Variants in STN1 observed in about 807,000 individuals in gnomAD.
The protein encoded by STN1 is STN1 subunit of CST complex, also known as CST complex subunit STN1.
A neutral mutation model predicts 45.5 loss-of-function variants in STN1; 29 were observed. The ratio of observed to expected loss-of-function variants is 0.64; its 90% CI spans 0.47 to 0.87. The LOEUF is 0.87. Ranked by LOEUF, STN1 falls within the 40% of genes least tolerant of loss-of-function variation. STN1 has a pLI of 0.00. For synonymous variants in STN1, 148 were observed against 159.0 expected (o/e 0.93, Z 0.52); for missense variants, 376 against 441.4 (o/e 0.85, Z 1.33).
rs1243743059 is a variant in STN1 at position 103,909,444 on chromosome 10, GTATATA to G, written c.229+1077_229+1082del. Among the ~76,000 whole-genome samples the G allele has an allele frequency of 5.4e-4, 27 of 49,920 alleles. 4 individuals are homozygous for G. The highest frequency in any genetic ancestry group is 2.0e-3 in the East Asian group (3 of 1,516). 32.7% of individuals were successfully genotyped at this position (49,920 alleles called of 152,430 possible). A position where few individuals can be genotyped will look rare whatever the true frequency, so the allele number is the denominator to read the frequency against. On this transcript the variant is annotated intron_variant, in intron 3 of 9. Transcript: ENST00000224950. Reference sequence around the variant, plus strand: ...TATATGTATATATATGTATATATATGTATATATGTATATATGTATATATATGTATAT... The same window carrying G: ...TATATGTATATATATGTATATATATGTGTATATATGTATATATATGTATAT...
chr10:103,881,905 C>G lies in STN1; in HGVS notation c.*779G>C, dbSNP rs150934150. Among the ~76,000 whole-genome samples the G allele has an allele frequency of 5.2e-4, 79 of 152,328 alleles. No individual in the cohort carries two copies. Among genetic ancestry groups the G allele is most frequent in the Admixed American group, 1.8e-3 (28 of 15,304 alleles). ...CACATCCTGCACACTCAGCGGCAAC[C>G]CTGAAAATAACATCTACCACCTGCC... On this transcript the variant is annotated 3_prime_UTR_variant, in exon 10 of 10. Transcript: ENST00000224950.
rs1378890150 is a variant in STN1, at chr10:103,898,996, T to G, written c.462A>C (p.Lys154Asn). Residue 154 changes from lysine to asparagine, a missense_variant, in exon 6 of 10, where the codon AAA becomes AAC. Transcript: ENST00000224950. ...GAATGTTCCACACTGGGTCGTCCAC[T>G]TTATCTAACAAGTGACCAGAAAAAA... is the stretch of plus-strand genomic sequence containing the variant. Reference protein sequence around the residue: ...EREIHATTYYKVDDPVWNIQI... With the variant: ...EREIHATTYYNVDDPVWNIQI... 2 of 1,613,956 alleles carry G rather than the reference T, an allele frequency of 1.2e-6. No individual in the cohort carries two copies. Among genetic ancestry groups the G allele is most frequent in the South Asian group, 2.2e-5 (2 of 91,070 alleles).
At position 103,892,194 on chromosome 10, in the gene STN1, AT is replaced by A. The variant is rs1843144097; in HGVS notation, c.811del (p.Ile271TyrfsTer23). ...AAGTCCTTTTTCCTGCAGCAGTTGT[AT>A]AGCATTCTTAAATATACTATGAATT... Reference protein sequence around the residue: ...KAIHSIFKNAIQLLQEKGLVF... With the variant: ...KAIHSIFKNAXQLLQEKGLVF... On this transcript the variant is annotated frameshift_variant, in exon 8 of 10. Coordinates refer to ENST00000224950, the MANE Select transcript of STN1 (RefSeq NM_024928.5). LOFTEE classifies it high-confidence loss of function. 1.6e-5 allele frequency: 26 copies of A among 1,612,218 alleles called. No individual in the cohort carries two copies. The highest frequency in any genetic ancestry group is 2.0e-5 in the Non-Finnish European group (24 of 1,178,944).
intron 2 of STN1, among the ~76,000 whole-genome samples, chr10:103,917,101 G>T (rs912198806): frequency 6.6e-6 from 1 of 151,956 alleles, no homozygotes; most frequent in Non-Finnish European, 1.5e-5. Context: ...CAGGTAAGTG[G>T]CACATTTAGG....
chr10:103,899,151 T>C, intron 5 of STN1, 151 bp from the exon 6 acceptor site: 1 of 747,216 alleles, frequency 1.3e-6, no homozygotes, highest in South Asian at 1.8e-5. Context: ...ACAGTCTAGA[T>C]GCACTAAATG....
rs772038898 is a variant in STN1 at position 103,892,170 on chromosome 10, A to C, written c.836T>G (p.Leu279Arg). Reference sequence around the variant, plus strand: ...AAAACCATCATCTTTCTGGAAAACAAGTCCTTTTTCCTGCAGCAGTTGTAT... The same window carrying C: ...AAAACCATCATCTTTCTGGAAAACACGTCCTTTTTCCTGCAGCAGTTGTAT... ...NAIQLLQEKG[L>R]VFQKDDGFDN... Residue 279 changes from leucine (L) to arginine (R), a missense_variant, in exon 8 of 10, where the codon CTT (leucine) becomes CGT (arginine). Physicochemically the swap from Leu to Arg is moderately radical, Grantham distance 102. Coordinates refer to ENST00000224950, the MANE Select transcript of STN1 (RefSeq NM_024928.5). The C allele has an allele frequency of 6.2e-7, 1 of 1,612,412 alleles. No individual in the cohort carries two copies. Among genetic ancestry groups the C allele is most frequent in the South Asian group, 1.1e-5 (1 of 90,596 alleles).
intron 7 of STN1, among the ~76,000 whole-genome samples, chr10:103,892,922 C>A (rs903064737): frequency 1.6e-4 from 25 of 152,300 alleles, no homozygotes; most frequent in African/African-American, 5.1e-4. Context: ...TGCTTCTTAT[C>A]CCCGAGGAAG....
At chr10:103,899,694 G>GA (rs996024071) in intron 5 of STN1, among the ~76,000 whole-genome samples, 10 of 151,034 alleles carry the variant, frequency 6.6e-5, no homozygotes, top group African/African-American at 1.9e-4. Flanking sequence ...CTCAAAAAAA[G>GA]AAAAAAAATA....
intron 7 of STN1, among the ~76,000 whole-genome samples, chr10:103,894,196 A>G (rs192708016): frequency 2.2e-4 from 34 of 152,324 alleles, no homozygotes; most frequent in Admixed American, 1.4e-3. Flanking sequence ...TATCTTCTTT[A>G]GTCAATTTAA....
chr10:103,916,729 C>G (rs1843334404), intron 2 of STN1, among the ~76,000 whole-genome samples: 1 of 150,404 alleles, frequency 6.6e-6, no homozygotes, highest in Non-Finnish European at 1.5e-5. Context: ...AAATCCACCC[C>G]AAACTATACT....
At position 103,890,582 on chromosome 10, in the gene STN1, AG is replaced by A. The variant is rs535527125; in HGVS notation, c.877-1439del. On this transcript the variant is annotated intron_variant, in intron 8 of 9. Transcript: ENST00000224950. ...AAGGTGTGTCCCAGAGCAGGGCTCA[AG>A]GTGAGCTGCCCCCATAGCTTCTCCA... is the stretch of plus-strand genomic sequence containing the variant. 1.6e-4 allele frequency among the ~76,000 whole-genome samples: 25 copies of A among 152,314 alleles called. No individual in the cohort carries two copies. The East Asian group carries it at 4.8e-3, about 29-fold the overall frequency.
intron 8 of STN1, 23 bp downstream of exon 8, chr10:103,892,107 A>C: frequency 6.4e-7 from 1 of 1,556,554 alleles, no homozygotes; most frequent in Non-Finnish European, 8.6e-7. Flanking sequence ...CAAAGAAAAA[A>C]AGTTAAGTTG....
intron 9 of STN1, 51 bp downstream of exon 9, chr10:103,889,021 A>G (rs1415440440): frequency 7.8e-7 from 1 of 1,283,744 alleles, no homozygotes; most frequent in Admixed American, 1.7e-5. Context: ...CCCGGGAGAC[A>G]GTATCCCCTT....
rs1843059901 is a variant in STN1 at position 103,880,303 on chromosome 10, GA to G, written c.*2380del. 6.6e-6 allele frequency among the ~76,000 whole-genome samples: 1 copy of G among 152,212 alleles called. No homozygotes were observed. Among genetic ancestry groups the G allele is most frequent in the Non-Finnish European group, 1.5e-5 (1 of 68,040 alleles). ...GAGGGGCAGGCTGTAGGTATTACTGGAAAAGGCAACATTCGATTGGTTAAGG... is the reference window on the plus strand; with the variant it reads ...GAGGGGCAGGCTGTAGGTATTACTGGAAAGGCAACATTCGATTGGTTAAGG... On this transcript the variant is annotated 3_prime_UTR_variant, in exon 10 of 10. Transcript: ENST00000224950.
intron 7 of STN1, among the ~76,000 whole-genome samples, chr10:103,894,171 A>G (rs1156521320): frequency 6.6e-6 from 1 of 152,200 alleles, no homozygotes; most frequent in Non-Finnish European, 1.5e-5. Context: ...TAATCTTTAT[A>G]ATTCTAAGGA....
chr10:103,892,668 G>A (rs981186343), intron 7 of STN1, among the ~76,000 whole-genome samples: 5 of 151,976 alleles, frequency 3.3e-5, no homozygotes, highest in African/African-American at 1.2e-4. Context: ...TTTGTATGTT[G>A]GAATAATTTG....
At chr10:103,907,866 C>T (rs898633548) in intron 3 of STN1, among the ~76,000 whole-genome samples, 4 of 151,682 alleles carry the variant, frequency 2.6e-5, no homozygotes, top group Non-Finnish European at 4.4e-5. Context: ...CAGTGGCTCA[C>T]GCCTGTAATC....
At chr10:103,899,124 G>T in intron 5 of STN1, 124 bp from the exon 6 acceptor site, 1 of 958,668 alleles carries the variant, frequency 1.0e-6, no homozygotes. Context: ...CTCCTTCCTT[G>T]TGAGTGCCCA....
intron 9 of STN1, among the ~76,000 whole-genome samples, chr10:103,885,505 G>A (rs928001047): frequency 6.6e-6 from 1 of 152,188 alleles, no homozygotes; most frequent in Admixed American, 6.5e-5. Flanking sequence ...AGGGTTATCT[G>A]GTGAGGCTGT....
Sources: gnomAD v4.1 joint callset for allele counts (sites outside exome capture counted in the v4.1 genomes callset) on GRCh38, gnomAD v4.1.1 for gene constraint, MANE v1.5 for transcripts, NCBI Gene and HGNC (gene_info 2026-07-23, HGNC 2026-07-21) for gene names.